Variants in CEP83 observed in about 807,000 individuals in gnomAD.
The protein encoded by CEP83 is centrosomal protein 83.
CEP83 carries 70 observed loss-of-function variants against 101.9 expected under a neutral mutation model. The observed-to-expected ratio is 0.69, with a 90% confidence interval of 0.57 to 0.84. CEP83 has a LOEUF of 0.84. Ranked by LOEUF, CEP83 falls within the 40% of genes least tolerant of loss-of-function variation. The pLI is 0.00. For missense variants in CEP83, 715 were observed against 787.2 expected (o/e 0.91, Z 1.10); for synonymous variants, 264 against 267.9 (o/e 0.99, Z 0.14).
At position 94,308,838 on chromosome 12, in the gene CEP83, T is replaced by G. The variant is rs1333106816; in HGVS notation, c.2081A>C (p.Glu694Ala). 1.2e-6 allele frequency: 2 copies of G among 1,611,964 alleles called. No individual in the cohort carries two copies. The highest frequency in any genetic ancestry group is 1.7e-6 in the Non-Finnish European group (2 of 1,178,176). The change falls in exon 17 of 17, where the codon GAG becomes GCG. Residue 694 changes from glutamate to alanine, a missense_variant. Glu to Ala is a moderately radical substitution (Grantham distance 107). Coordinates refer to ENST00000397809, the MANE Select transcript of CEP83 (RefSeq NM_016122.3). ...ELETTQRKQL[E>A]ELGSSGE ...TCATTCTCCGGAAGATCCAAGTTCC[T>G]CTAGTTGTTTTCTTTGTGTTGTTTC... is the stretch of plus-strand genomic sequence containing the variant.
At position 94,400,976 on chromosome 12, in the gene CEP83, T is replaced by C. The variant is rs2137577542; in HGVS notation, c.423A>G (p.Val141=). 7.2e-7 allele frequency: 1 copy of C among 1,395,626 alleles called. No individual in the cohort carries two copies. Among genetic ancestry groups the C allele is most frequent in the Non-Finnish European group, 9.4e-7 (1 of 1,065,464 alleles). The allele number at this position is 1,395,626 out of a possible 1,614,324, so 86.5% of individuals were successfully genotyped here. Residue 141 remains valine, a synonymous_variant, in exon 6 of 17, where the codon GTA becomes GTG. Transcript: ENST00000397809. ...RERFRNLDEE[V]EKYRAVYNKL... ...TATTATATACAGCTCTATACTTTTC[T>C]ACCTCCTAAAGGGAGAATGCATTTA...
At chr12:94,370,503 A>G (rs986759544) in intron 8 of CEP83, among the ~76,000 whole-genome samples, 2 of 152,180 alleles carry the variant, frequency 1.3e-5, no homozygotes, top group Admixed American at 1.3e-4. Flanking sequence ...CATTCCAAGT[A>G]GCTGTCAGGA....
chr12:94,337,778 G>C (rs1307967576), intron 11 of CEP83, among the ~76,000 whole-genome samples: 3 of 152,138 alleles, frequency 2.0e-5, no homozygotes, highest in Non-Finnish European at 2.9e-5. Flanking sequence ...AGGTGACGAA[G>C]AGTATAGAGG....
the CEP83 span, among the ~76,000 whole-genome samples, chr12:94,269,015 T>C: frequency 6.6e-6 from 1 of 152,122 alleles, no homozygotes; most frequent in African/African-American, 2.4e-5. Context: ...GAGTGGAACT[T>C]TGGAGGAGTT....
downstream of CEP83, chr12:94,307,192 G>A (rs1318240922): frequency 2.6e-5 from 4 of 152,190 alleles, no homozygotes; most frequent in African/African-American, 9.7e-5. Context: ...CAGGGACTGT[G>A]CTGTTGGGAA....
At chr12:94,385,878 T>C (rs140160658) in intron 6 of CEP83, among the ~76,000 whole-genome samples, 1 of 152,346 alleles carries the variant, frequency 6.6e-6, no homozygotes, top group East Asian at 1.9e-4. Context: ...AAACCTTTTC[T>C]ATGTTTAGAT....
At chr12:94,382,916 T>C (rs2061930225) in intron 6 of CEP83, among the ~76,000 whole-genome samples, 1 of 152,062 alleles carries the variant, frequency 6.6e-6, no homozygotes, top group Non-Finnish European at 1.5e-5. Flanking sequence ...TTCTTATTTA[T>C]CCTTGCTGAT....
chr12:94,366,841 T>C (rs987920968), intron 11 of CEP83, among the ~76,000 whole-genome samples: 1 of 151,972 alleles, frequency 6.6e-6, no homozygotes, highest in Non-Finnish European at 1.5e-5. Flanking sequence ...CATCCTGTAA[T>C]GACAGAAAAA....
chr12:94,360,923 C>G (rs1012270612), intron 11 of CEP83, among the ~76,000 whole-genome samples: 2 of 152,038 alleles, frequency 1.3e-5, no homozygotes, highest in African/African-American at 4.8e-5. Flanking sequence ...ACAAATGAAA[C>G]AGAAGAGAGA....
chr12:94,340,125 A>T (rs1297435851), intron 11 of CEP83, among the ~76,000 whole-genome samples: 1 of 152,266 alleles, frequency 6.6e-6, no homozygotes, highest in East Asian at 1.9e-4. Context: ...GTTCATTAAA[A>T]GCTCAAGAAA....
intron 1 of CEP83, among the ~76,000 whole-genome samples, chr12:94,450,257 T>C (rs1221352213): frequency 6.6e-6 from 1 of 152,110 alleles, no homozygotes; most frequent in Admixed American, 6.5e-5. Flanking sequence ...CAAAAATTGG[T>C]TGCATTTTTT....
chr12:94,312,990 T>C lies in CEP83; in HGVS notation c.1735A>G (p.Lys579Glu). ...KRKSLHENKL[K>E]RLQEKVEVLE... The stretch of plus-strand genomic sequence containing the variant: ...ACTTCTACTTTCTCTTGTAGTCTTT[T>C]CAATTTGTTTTCATGAAGAGATTTT... Residue 579 changes from lysine to glutamate, a missense_variant, in exon 15 of 17, where the codon AAA becomes GAA. Physicochemically the swap from Lys to Glu is moderately conservative, Grantham distance 56. Transcript: ENST00000397809. 1 of 1,564,990 alleles carries C rather than the reference T, an allele frequency of 6.4e-7. No homozygotes were observed. The highest frequency in any genetic ancestry group is 8.7e-7 in the Non-Finnish European group (1 of 1,144,186).
intron 4 of CEP83, among the ~76,000 whole-genome samples, chr12:94,411,379 T>C (rs1462279559): frequency 1.3e-5 from 2 of 152,148 alleles, no homozygotes; most frequent in Non-Finnish European, 2.9e-5. Context: ...AGTAACTCTT[T>C]TAAAAAAATT....
chr12:94,429,711 G>A (rs2065474461), intron 2 of CEP83, among the ~76,000 whole-genome samples: 1 of 152,068 alleles, frequency 6.6e-6, no homozygotes, highest in South Asian at 2.1e-4. Flanking sequence ...TGTGCTACCA[G>A]GACTAAGGAA....
the CEP83 span, among the ~76,000 whole-genome samples, chr12:94,273,473 C>T: frequency 2.0e-5 from 3 of 152,272 alleles, no homozygotes; most frequent in East Asian, 5.8e-4. Flanking sequence ...TCATGAACTA[C>T]AGCTCTTTGC....
At chr12:94,413,825 T>TACACACACAC (rs56372938) in intron 2 of CEP83, among the ~76,000 whole-genome samples, 2 of 140,392 alleles carry the variant, frequency 1.4e-5, no homozygotes, top group African/African-American at 2.7e-5. Flanking sequence ...CCATAATACA[T>TACACACACAC]ACACACACAC....
At chr12:94,430,725 C>T (rs567278242) in intron 2 of CEP83, among the ~76,000 whole-genome samples, 20 of 152,200 alleles carry the variant, frequency 1.3e-4, no homozygotes, top group Middle Eastern at 3.4e-3. Context: ...TAAAAACTTC[C>T]GAAGTCTAGC....
the CEP83 span, among the ~76,000 whole-genome samples, chr12:94,292,110 A>ACATAGTAAT: frequency 2.6e-5 from 4 of 152,234 alleles, no homozygotes; most frequent in African/African-American, 9.6e-5. Context: ...TACATGAACT[A>ACATAGTAAT]ACACATAGTA....
Position 94,308,899 on chromosome 12 carries a change from C to T in CEP83, c.2020G>A (p.Glu674Lys), listed in dbSNP as rs1969381470. ...AGTCTTTTGCGAAGTAGAGAGAGTT[C>T]CCTTTGATGTTGTTCCTCCTTAAAA... ...PHMQEEQHQR[E>K]LSLLRKRLEE... Residue 674 changes from glutamate (E) to lysine (K), a missense_variant, in exon 17 of 17, where the codon GAA (glutamate) becomes AAA (lysine). By Grantham distance (56) the Glu-to-Lys change is moderately conservative. Transcript: ENST00000397809. The T allele has an allele frequency of 6.2e-7, 1 of 1,610,774 alleles. No individual in the cohort carries two copies. The highest frequency in any genetic ancestry group is 8.5e-7 in the Non-Finnish European group (1 of 1,177,252).
Sources: allele counts gnomAD v4.1 joint callset (sites outside exome capture counted in the v4.1 genomes callset), GRCh38; gene constraint gnomAD v4.1.1; transcripts MANE v1.5; gene names NCBI Gene and HGNC (gene_info 2026-07-23, HGNC 2026-07-21).